MED1: variants seen among roughly 807,000 people sequenced by gnomAD.
MED1 encodes mediator of RNA polymerase II transcription subunit 1.
MED1 carries 17 observed loss-of-function variants against 121.3 expected under a neutral mutation model. That is an observed-to-expected ratio of 0.14 (90% CI 0.10 to 0.21). MED1 has a LOEUF of 0.21. MED1 is among the 10% of genes least tolerant of loss of function. The pLI, the probability that MED1 is intolerant of heterozygous loss-of-function variation, is 1.00. For synonymous variants in MED1, 661 were observed against 694.4 expected (o/e 0.95, Z 0.76); for missense variants, 1,558 against 1,919.4 (o/e 0.81, Z 3.52).
In MED1 at chr17:39,422,228, A is replaced by G. The variant is rs183793843; in HGVS notation, c.1095+1099T>C. ...TGCCAGGCTGAAGCGCAGTGGTGCG[A>G]TCTTGGCTCACTGCAACCTTCGTCT... On this transcript the variant is annotated intron_variant, in intron 13 of 16. Coordinates refer to ENST00000300651, the MANE Select transcript of MED1 (RefSeq NM_004774.4). Among the ~76,000 whole-genome samples, 148 of 150,656 alleles carry G rather than the reference A, an allele frequency of 9.8e-4. 1 individual carries two copies. The highest frequency in any genetic ancestry group is 3.4e-3 in the African/African-American group (140 of 41,106).
rs371811063 is a variant in MED1 at position 39,407,739 on chromosome 17, T to C, written c.4482A>G (p.Thr1494=). Residue 1494 remains threonine (T), a synonymous_variant, in exon 17 of 17, where the codon ACA becomes ACG. Coordinates refer to ENST00000300651, the MANE Select transcript of MED1 (RefSeq NM_004774.4). ...CCTTTTTGTGCTTCTTATGTTTCTC[T>C]GTGCTGTATTCTGGAAGTGGTCGGA... ...DGIRPLPEYS[T]EKHKKHKKEK... 1 of 1,614,096 alleles carries C rather than the reference T, an allele frequency of 6.2e-7. No homozygotes were observed. Among genetic ancestry groups the C allele is most frequent in the Non-Finnish European group, 8.5e-7 (1 of 1,180,046 alleles).
chr17:39,450,327 G>A lies in MED1; in HGVS notation c.25+711C>T, dbSNP rs568738739. 3.3e-5 allele frequency among the ~76,000 whole-genome samples: 5 copies of A among 152,268 alleles called. No homozygotes were observed. The South Asian group carries it at 6.2e-4, about 19-fold the overall frequency. On this transcript the variant is annotated intron_variant, in intron 1 of 16. Transcript: ENST00000300651. The stretch of plus-strand genomic sequence containing the variant: ...TGCTGATAAATATCTGTACTTCGAT[G>A]CTCCAACACTTTTTGAGCGACTATT...
At chr17:39,415,383 C>G in intron 14 of MED1, 44 bp from the exon 15 acceptor site, 2 of 1,530,570 alleles carry the variant, frequency 1.3e-6, no homozygotes, top group Non-Finnish European at 1.8e-6. Context: ...AAATATAAGA[C>G]TTCACACAGG....
At position 39,427,905 on chromosome 17, in the gene MED1, G is replaced by T. The variant is rs576020214; in HGVS notation, c.650-115C>A. 76 of 661,342 alleles carry T rather than the reference G, an allele frequency of 1.1e-4. No individual in the cohort carries two copies. In the South Asian group the frequency reaches 1.3e-3, roughly 12 times the overall value. The allele number at this position is 661,342 out of a possible 1,614,324, so 41.0% of individuals were successfully genotyped here. A position where few individuals can be genotyped will look rare whatever the true frequency, so the allele number is the denominator to read the frequency against. ...AAGAAAGTACTTTAACATATATGAA[G>T]AGTCATGCTCCAAAACAGCTTATGA... On this transcript the variant is annotated intron_variant, in intron 9 of 16. Coordinates refer to ENST00000300651, the MANE Select transcript of MED1 (RefSeq NM_004774.4).
rs17634758 is a variant in MED1 at position 39,407,314 on chromosome 17, G to A, written c.*161C>T. ...CCCTGTGGTTTCTTTAATAGGGTCT[G>A]GATATGCCTTTCTAATTCACCCAGC... On this transcript the variant is annotated 3_prime_UTR_variant, in exon 17 of 17. Transcript: ENST00000300651. 0.014 allele frequency: 18,984 copies of A among 1,399,956 alleles called. 193 individuals are homozygous for A. The highest frequency in any genetic ancestry group is 0.022 in the Middle Eastern group (82 of 3,762). The allele number at this position is 1,399,956 out of a possible 1,614,324, so 86.7% of individuals were successfully genotyped here.
intron 2 of MED1, 57 bp from the exon 3 acceptor site, chr17:39,443,685 G>C (rs2048700049): frequency 1.5e-6 from 2 of 1,376,468 alleles, no homozygotes; most frequent in African/African-American, 1.4e-5. Flanking sequence ...CAGTGTTTTA[G>C]GTAAACATAC....
At position 39,408,355 on chromosome 17, in the gene MED1, C is replaced by T. The variant is rs1249620147; in HGVS notation, c.3866G>A (p.Ser1289Asn). Reference protein sequence around the residue: ...SMSSSQNQHGSSKGKSPSRNK... With the variant: ...SMSSSQNQHGNSKGKSPSRNK... ...TCTGCTGGGAGATTTTCCTTTAGAA[C>T]TCCCATGCTGGTTCTGAGAGGATGA... The change falls in exon 17 of 17, where the codon AGT becomes AAT. Residue 1289 changes from serine to asparagine, a missense_variant. Transcript: ENST00000300651. This position sits in a 1 kb window ranked among gnomAD's most constrained non-coding sequence, Gnocchi z 4.7. The T allele has an allele frequency of 6.2e-7, 1 of 1,614,126 alleles. No homozygotes were observed. Among genetic ancestry groups the T allele is most frequent in the Non-Finnish European group, 8.5e-7 (1 of 1,180,032 alleles).
At position 39,440,001 on chromosome 17, in the gene MED1, G is replaced by A. The variant is rs1425753336; in HGVS notation, c.399+385C>T. On this transcript the variant is annotated intron_variant, in intron 5 of 16. Transcript: ENST00000300651. The surrounding 1 kb of genome is among the most constrained non-coding windows in gnomAD (Gnocchi z 4.1). Reference sequence around the variant, plus strand: ...AAGAAAGAAAGAAGGAAGGAAGGAAGGAAGGAAGGAAGGAAGGAAAGAAAG... The same window carrying A: ...AAGAAAGAAAGAAGGAAGGAAGGAAAGAAGGAAGGAAGGAAGGAAAGAAAG... 8.3e-6 allele frequency among the ~76,000 whole-genome samples: 1 copy of A among 121,206 alleles called. No homozygotes were observed. The highest frequency in any genetic ancestry group is 2.9e-5 in the African/African-American group (1 of 34,798). 79.5% of individuals were successfully genotyped at this position (121,206 alleles called of 152,430 possible). A position where few individuals can be genotyped will look rare whatever the true frequency, so the allele number is the denominator to read the frequency against.
intron 16 of MED1, 78 bp downstream of exon 16, chr17:39,414,948 G>T (rs909381733): frequency 7.7e-7 from 1 of 1,306,626 alleles, no homozygotes; most frequent in Non-Finnish European, 1.1e-6. Flanking sequence ...GATTACAGGC[G>T]TGAGCCACCG....
At chr17:39,426,444 C>T (rs1223439483) in intron 10 of MED1, among the ~76,000 whole-genome samples, 1 of 151,892 alleles carries the variant, frequency 6.6e-6, no homozygotes, top group African/African-American at 2.4e-5. Flanking sequence ...GAGACTCCAT[C>T]TTAAATAAAT....
At chr17:39,421,927 G>C (rs1316674981) in intron 13 of MED1, among the ~76,000 whole-genome samples, 1 of 151,610 alleles carries the variant, frequency 6.6e-6, no homozygotes, top group African/African-American at 2.4e-5. Flanking sequence ...AGGAGATCGA[G>C]ACCATCCTGG....
chr17:39,436,777 AT>A (rs199958818), intron 6 of MED1, among the ~76,000 whole-genome samples: 47 of 147,330 alleles, frequency 3.2e-4, no homozygotes, highest in African/African-American at 5.4e-4. Flanking sequence ...ATTCTTTATT[AT>A]TTTTTTTTTT....
In MED1 at chr17:39,408,655, G is replaced by C; in HGVS notation, c.3566C>G (p.Pro1189Arg). 1.9e-6 allele frequency: 3 copies of C among 1,614,136 alleles called. No individual in the cohort carries two copies. In the South Asian group the frequency reaches 3.3e-5, roughly 18 times the overall value. Reference sequence around the variant, plus strand: ...CCTTGAATGAGAAGGGGATATGTTTGGTTTACTTAAAGAAGGATTCATAAG... The same window carrying C: ...CCTTGAATGAGAAGGGGATATGTTTCGTTTACTTAAAGAAGGATTCATAAG... ...SSLMNPSLSKPNISPSHSRPP... is the reference protein window; with the variant it reads ...SSLMNPSLSKRNISPSHSRPP... The change falls in exon 17 of 17, where the codon CCA becomes CGA. Residue 1189 changes from proline (P) to arginine (R), a missense_variant. This residue lies in a region of MED1 where 793 missense variants were observed against 898.2 expected (regional missense o/e 0.88). Coordinates refer to ENST00000300651, the MANE Select transcript of MED1 (RefSeq NM_004774.4). This position sits in a 1 kb window ranked among gnomAD's most constrained non-coding sequence, Gnocchi z 4.7.
Position 39,421,941 on chromosome 17 carries a change from A to G in MED1, c.1095+1386T>C, listed in dbSNP as rs1333231241. On this transcript the variant is annotated intron_variant, in intron 13 of 16. Transcript: ENST00000300651. ...CAGGAGATCGAGACCATCCTGGCTAACATGGTGAAATCCCGTCTCTACTAA... is the reference window on the plus strand; with the variant it reads ...CAGGAGATCGAGACCATCCTGGCTAGCATGGTGAAATCCCGTCTCTACTAA... Among the ~76,000 whole-genome samples, 2 of 151,454 alleles carry G rather than the reference A, an allele frequency of 1.3e-5. 1 individual carries two copies. Among genetic ancestry groups the G allele is most frequent in the South Asian group, 4.2e-4 (2 of 4,800 alleles).
Position 39,405,884 on chromosome 17 carries a change from G to T in MED1, c.*1591C>A. On this transcript the variant is annotated 3_prime_UTR_variant, in exon 17 of 17. Coordinates refer to ENST00000300651, the MANE Select transcript of MED1 (RefSeq NM_004774.4). ...TATATGATGAAGTCACTCCACTTAC[G>T]ACATAACACACAAAGGAATCACCTG... is the stretch of plus-strand genomic sequence containing the variant. 1 of 984,966 alleles carries T rather than the reference G, an allele frequency of 1.0e-6. No homozygotes were observed. Among genetic ancestry groups the T allele is most frequent in the Non-Finnish European group, 1.2e-6 (1 of 829,980 alleles). 61.0% of individuals were successfully genotyped at this position (984,966 alleles called of 1,614,324 possible). A position where few individuals can be genotyped will look rare whatever the true frequency, so the allele number is the denominator to read the frequency against.
chr17:39,450,950 CCCCCATGGGACATCT>C (rs1458117835), intron 1 of MED1, 73 bp downstream of exon 1: 10 of 1,203,178 alleles, frequency 8.3e-6, no homozygotes, highest in Middle Eastern at 2.0e-4. Flanking sequence ...CCTAAAGTGG[CCCCCATGGGACATCT>C]GCAAGAACCT....
chr17:39,421,924 C>G (rs569959357), intron 13 of MED1, among the ~76,000 whole-genome samples: 4 of 151,606 alleles, frequency 2.6e-5, no homozygotes, highest in African/African-American at 9.7e-5. Flanking sequence ...GTCAGGAGAT[C>G]GAGACCATCC....
rs1010522167 is a variant in MED1, at chr17:39,405,178, C to T, written c.*2297G>A. ...GAGAAATGCAGTGCTCCCTGGTTCT[C>T]AGGCAGGGTGAAGCAGTTTAGCCCC... is the stretch of plus-strand genomic sequence containing the variant. On this transcript the variant is annotated 3_prime_UTR_variant, in exon 17 of 17. Coordinates refer to ENST00000300651, the MANE Select transcript of MED1 (RefSeq NM_004774.4). 9 of 1,526,048 alleles carry T rather than the reference C, an allele frequency of 5.9e-6. No individual in the cohort carries two copies. The highest frequency in any genetic ancestry group is 7.9e-6 in the Non-Finnish European group (9 of 1,132,118). The allele number at this position is 1,526,048 out of a possible 1,614,324, so 94.5% of individuals were successfully genotyped here.
intron 3 of MED1, 80 bp downstream of exon 3, chr17:39,443,470 A>T: frequency 1.6e-6 from 2 of 1,232,122 alleles, no homozygotes; most frequent in Admixed American, 1.9e-5. Flanking sequence ...TCAATTTTTT[A>T]CTTCTAGTTT....
Sources: allele counts gnomAD v4.1 joint callset (sites outside exome capture counted in the v4.1 genomes callset), GRCh38; gene constraint gnomAD v4.1.1; regional missense constraint gnomAD v4.1.1; non-coding constraint Gnocchi (gnomAD v3.1); transcripts MANE v1.5; gene names NCBI Gene and HGNC (gene_info 2026-07-23, HGNC 2026-07-21).